MINDY2: variants seen among roughly 807,000 people sequenced by gnomAD.
MINDY2 encodes ubiquitin carboxyl-terminal hydrolase MINDY-2.
MINDY2 carries 52 observed loss-of-function variants against 68.2 expected under a neutral mutation model. The ratio of observed to expected loss-of-function variants is 0.76; its 90% CI spans 0.61 to 0.96. The LOEUF is 0.96. Ranked by LOEUF, MINDY2 falls within the 40% of genes least tolerant of loss-of-function variation. MINDY2 has a pLI of 0.00. For synonymous variants in MINDY2, 372 were observed against 303.0 expected (o/e 1.23, Z -2.36); for missense variants, 881 against 773.4 (o/e 1.14, Z -1.65).
Position 58,841,398 on chromosome 15 carries a change from CTTTCT to C in MINDY2, c.1369-5890_1369-5886del, listed in dbSNP as rs1388100632. Among the ~76,000 whole-genome samples, 4 of 149,880 alleles carry C rather than the reference CTTTCT, an allele frequency of 2.7e-5. No homozygotes were observed. In the East Asian group the frequency reaches 7.8e-4, roughly 29 times the overall value. On this transcript the variant is annotated intron_variant, in intron 6 of 8. Coordinates refer to ENST00000559228, the MANE Select transcript of MINDY2 (RefSeq NM_001040450.3). ...ATTCTATGAAGATAATACGCTTTTC[CTTTCT>C]TTTCTTTTTTTTTTTTTTTGAGACA... is the stretch of plus-strand genomic sequence containing the variant.
intron 2 of MINDY2, among the ~76,000 whole-genome samples, chr15:58,790,075 G>C (rs913327441): frequency 6.6e-6 from 1 of 152,070 alleles, no homozygotes; most frequent in Non-Finnish European, 1.5e-5. Context: ...CACTGCACCC[G>C]GCAGGAAGAC....
chr15:58,796,467 A>T (rs1322640341), intron 2 of MINDY2, among the ~76,000 whole-genome samples: 3 of 152,214 alleles, frequency 2.0e-5, no homozygotes, highest in Admixed American at 6.5e-5. Flanking sequence ...TTACTGTAAT[A>T]GGATGCTTAA....
chr15:58,800,791 C>T (rs1275731065), intron 2 of MINDY2, among the ~76,000 whole-genome samples: 8 of 145,932 alleles, frequency 5.5e-5, no homozygotes, highest in South Asian at 2.2e-4. Flanking sequence ...GTCGTGATCA[C>T]GCCACTGCAC....
intron 4 of MINDY2, among the ~76,000 whole-genome samples, chr15:58,816,894 A>G (rs1296674849): frequency 2.0e-5 from 3 of 152,136 alleles, no homozygotes; most frequent in East Asian, 1.9e-4. Flanking sequence ...TTGAGGCTGC[A>G]GTGCACTATG....
At chr15:58,844,539 G>A (rs58469477) in intron 6 of MINDY2, among the ~76,000 whole-genome samples, 4,860 of 138,004 alleles carry the variant, frequency 0.035, 241 homozygotes, top group African/African-American at 0.12. Flanking sequence ...CAGCCTGGGC[G>A]ACAGAGCGAG....
At chr15:58,824,567 C>T (rs998505036) in intron 5 of MINDY2, among the ~76,000 whole-genome samples, 4 of 151,958 alleles carry the variant, frequency 2.6e-5, no homozygotes, top group Non-Finnish European at 5.9e-5. Flanking sequence ...TTACTTAACT[C>T]CAATGGTTAC....
chr15:58,826,466 T>A (rs1310998189), intron 5 of MINDY2, among the ~76,000 whole-genome samples: 1 of 152,114 alleles, frequency 6.6e-6, no homozygotes, highest in Non-Finnish European at 1.5e-5. Flanking sequence ...CAACCTCAGG[T>A]GATCCGCCCG....
intron 3 of MINDY2, among the ~76,000 whole-genome samples, chr15:58,804,119 AAGG>A (rs1163556383): frequency 2.6e-5 from 4 of 152,008 alleles, no homozygotes; most frequent in Admixed American, 6.6e-5. Context: ...ACAAAAAAAA[AAGG>A]AGGAGGAGGA....
chr15:58,852,965 TTTTTTAA>T (rs1463277808), intron 8 of MINDY2, among the ~76,000 whole-genome samples: 3 of 29,076 alleles, frequency 1.0e-4, no homozygotes, highest in Non-Finnish European at 1.7e-4. Context: ...TTTTTTTTTT[TTTTTTAA>T]GACAGAGTCT....
chr15:58,850,142 G>A (rs368658001), intron 7 of MINDY2, among the ~76,000 whole-genome samples: 4 of 152,118 alleles, frequency 2.6e-5, no homozygotes, highest in East Asian at 3.8e-4. Context: ...AGTCAACACC[G>A]ACTCTTAATA....
At position 58,826,031 on chromosome 15, in the gene MINDY2, AT is replaced by A. The variant is rs1388398572; in HGVS notation, c.1225+4213del. Reference sequence around the variant, plus strand: ...TTATGTGCCATAGACACTGAACATTATAGTTTGGCTTATTATTATTTTTATT... The same window carrying A: ...TTATGTGCCATAGACACTGAACATTAAGTTTGGCTTATTATTATTTTTATT... On this transcript the variant is annotated intron_variant, in intron 5 of 8. Coordinates refer to ENST00000559228, the MANE Select transcript of MINDY2 (RefSeq NM_001040450.3). Among the ~76,000 whole-genome samples the A allele has an allele frequency of 5.9e-5, 9 of 152,256 alleles. 1 individual carries two copies. In the South Asian group the frequency reaches 1.2e-3, roughly 21 times the overall value.
At chr15:58,785,135 C>CAAAAAAAGA (rs1901402086) in intron 1 of MINDY2, among the ~76,000 whole-genome samples, 2 of 68,470 alleles carry the variant, frequency 2.9e-5, no homozygotes, top group African/African-American at 5.8e-5. Flanking sequence ...TGAAGGAAAG[C>CAAAAAAAGA]AAAAAAAAAA....
At chr15:58,830,836 C>A (rs1186242491) in intron 5 of MINDY2, among the ~76,000 whole-genome samples, 1 of 152,028 alleles carries the variant, frequency 6.6e-6, no homozygotes, top group Non-Finnish European at 1.5e-5. Flanking sequence ...CCTTGTTTGA[C>A]CTCAGCTGGG....
Position 58,846,322 on chromosome 15 carries a change from G to A in MINDY2, c.1369-975G>A, listed in dbSNP as rs150526364. Among the ~76,000 whole-genome samples, 310 of 152,174 alleles carry A rather than the reference G, an allele frequency of 2.0e-3. 1 individual carries two copies. Among genetic ancestry groups the A allele is most frequent in the African/African-American group, 6.9e-3 (288 of 41,524 alleles). ...TCAAAATACCATGTAGGCCAGGCGCGGTGGCTCACGCCTGTAATCCCAGCA... is the reference window on the plus strand; with the variant it reads ...TCAAAATACCATGTAGGCCAGGCGCAGTGGCTCACGCCTGTAATCCCAGCA... On this transcript the variant is annotated intron_variant, in intron 6 of 8. Coordinates refer to ENST00000559228, the MANE Select transcript of MINDY2 (RefSeq NM_001040450.3).
chr15:58,833,920 A>T (rs1416970081), intron 6 of MINDY2, among the ~76,000 whole-genome samples: 1 of 152,030 alleles, frequency 6.6e-6, no homozygotes, highest in Non-Finnish European at 1.5e-5. Flanking sequence ...TTCCCTTCCC[A>T]CGAGGCCATA....
intron 2 of MINDY2, among the ~76,000 whole-genome samples, chr15:58,794,391 G>GTA (rs1453031931): frequency 6.8e-6 from 1 of 147,818 alleles, no homozygotes; most frequent in Non-Finnish European, 1.5e-5. Context: ...GTGTGTGTGT[G>GTA]TGTGTTTTAA....
chr15:58,828,457 C>T (rs1474534300), intron 5 of MINDY2, among the ~76,000 whole-genome samples: 5 of 151,904 alleles, frequency 3.3e-5, no homozygotes, highest in Non-Finnish European at 5.9e-5. Context: ...TCCTTTTTGA[C>T]TAATTATAGT....
At chr15:58,838,983 A>G (rs1289330343) in intron 6 of MINDY2, among the ~76,000 whole-genome samples, 2 of 152,324 alleles carry the variant, frequency 1.3e-5, no homozygotes, top group Non-Finnish European at 2.9e-5. Context: ...GGGAAAGTCC[A>G]TGATGGCAGG....
At position 58,859,676 on chromosome 15, in the gene MINDY2, ATGCAGGACTCTGGTAAATT is replaced by A. The variant is rs1261040668; in HGVS notation, c.*5068_*5086del. 7.9e-5 allele frequency: 12 copies of A among 152,202 alleles called. No homozygotes were observed. The highest frequency in any genetic ancestry group is 1.0e-4 in the Non-Finnish European group (7 of 68,042). The allele number at this position is 152,202 out of a possible 1,614,324, so 9.4% of individuals were successfully genotyped here. A position where few individuals can be genotyped will look rare whatever the true frequency, so the allele number is the denominator to read the frequency against. Reference sequence around the variant, plus strand: ...GCGATAATGGCATGGGAGAGGCCAGATGCAGGACTCTGGTAAATTTAACTTACTTTGAATATCTATCTAA... The same window carrying A: ...GCGATAATGGCATGGGAGAGGCCAGATAACTTACTTTGAATATCTATCTAA... On this transcript the variant is annotated 3_prime_UTR_variant, in exon 9 of 9. Coordinates refer to ENST00000559228, the MANE Select transcript of MINDY2 (RefSeq NM_001040450.3).
Sources: allele counts gnomAD v4.1 joint callset (sites outside exome capture counted in the v4.1 genomes callset), GRCh38; gene constraint gnomAD v4.1.1; transcripts MANE v1.5; gene names NCBI Gene and HGNC (gene_info 2026-07-23, HGNC 2026-07-21).